NKAIN2: variants seen among roughly 807,000 people sequenced by gnomAD.
The protein encoded by NKAIN2 is sodium/potassium transporting ATPase interacting 2, also known as sodium/potassium-transporting ATPase subunit beta-1-interacting protein 2.
Under a neutral mutation model 32.6 loss-of-function variants are expected in NKAIN2, and 14 were observed. That is an observed-to-expected ratio of 0.43 (90% CI 0.28 to 0.67). The LOEUF (loss-of-function observed/expected upper bound fraction) is 0.67, where lower values mean the gene tolerates loss of function less well. NKAIN2 is among the 30% of genes least tolerant of loss of function. The probability of loss-of-function intolerance (pLI) is 0.17; values close to 1 mark genes in which losing one functional copy is unlikely to be tolerated. For missense variants in NKAIN2, 198 were observed against 258.3 expected (o/e 0.77, Z 1.60); for synonymous variants, 80 against 87.2 (o/e 0.92, Z 0.46).
chr6:124,309,753 G>A (rs1796643767), intron 2 of NKAIN2, among the ~76,000 whole-genome samples: 1 of 152,082 alleles, frequency 6.6e-6, no homozygotes, highest in Non-Finnish European at 1.5e-5. Flanking sequence ...CAGTCTGTCA[G>A]TGCCTGGGAT....
chr6:124,141,414 G>T (rs779132404), intron 1 of NKAIN2, among the ~76,000 whole-genome samples: 1 of 152,058 alleles, frequency 6.6e-6, no homozygotes, highest in Non-Finnish European at 1.5e-5. Context: ...GAAAATTCAA[G>T]TATAACAAAC....
chr6:124,733,810 T>C (rs1268519303), intron 4 of NKAIN2, among the ~76,000 whole-genome samples: 1 of 151,788 alleles, frequency 6.6e-6, no homozygotes, highest in Admixed American at 6.6e-5. Flanking sequence ...CATGTATATA[T>C]GTGTATATAC....
intron 2 of NKAIN2, among the ~76,000 whole-genome samples, chr6:124,335,947 T>A (rs1040811668): frequency 6.6e-6 from 1 of 152,204 alleles, no homozygotes; most frequent in Non-Finnish European, 1.5e-5. Context: ...AAATCTAATA[T>A]TTACTTAGGG....
At chr6:124,436,618 A>G (rs1300133599) in intron 3 of NKAIN2, among the ~76,000 whole-genome samples, 1 of 151,958 alleles carries the variant, frequency 6.6e-6, no homozygotes, top group Non-Finnish European at 1.5e-5. Flanking sequence ...CCCACAGCCC[A>G]CTCCAATCCT....
intron 4 of NKAIN2, among the ~76,000 whole-genome samples, chr6:124,754,166 C>T (rs1408657260): frequency 6.6e-6 from 1 of 151,970 alleles, no homozygotes; most frequent in African/African-American, 2.4e-5. Flanking sequence ...GAGACTCTTA[C>T]CTGAGAACCT....
chr6:123,941,368 C>T (rs1279285873), intron 1 of NKAIN2, among the ~76,000 whole-genome samples: 1 of 151,650 alleles, frequency 6.6e-6, no homozygotes, highest in Non-Finnish European at 1.5e-5. Context: ...CATTTATTAT[C>T]ATAATCAAGT....
chr6:124,622,366 C>T (rs1783138875), intron 3 of NKAIN2, among the ~76,000 whole-genome samples: 2 of 152,284 alleles, frequency 1.3e-5, no homozygotes. Flanking sequence ...ATCTGCTTGC[C>T]TCAGCTGCTC....
chr6:124,180,121 G>T (rs1177742353), intron 1 of NKAIN2, among the ~76,000 whole-genome samples: 1 of 152,136 alleles, frequency 6.6e-6, no homozygotes, highest in Non-Finnish European at 1.5e-5. Flanking sequence ...GTGTGTGTGT[G>T]TGTGTGTATG....
chr6:124,491,373 G>A (rs558306653), intron 3 of NKAIN2, among the ~76,000 whole-genome samples: 24 of 151,968 alleles, frequency 1.6e-4, no homozygotes, highest in Middle Eastern at 3.4e-3. Flanking sequence ...TCACTGAAGA[G>A]TAATTTACCT....
chr6:123,971,142 A>G (rs1778322533), intron 1 of NKAIN2, among the ~76,000 whole-genome samples: 1 of 151,994 alleles, frequency 6.6e-6, no homozygotes, highest in African/African-American at 2.4e-5. Context: ...TAGTAAGTAC[A>G]TACTTAGTAT....
intron 3 of NKAIN2, among the ~76,000 whole-genome samples, chr6:124,398,252 C>CAAAAAAAAAAAAAAAAAAAAAAAAAA (rs869039720): frequency 2.2e-4 from 15 of 69,066 alleles, no homozygotes; most frequent in African/African-American, 3.9e-4. Flanking sequence ...GACTGCATCT[C>CAAAAAAAAAAAAAAAAAAAAAAAAAA]AAAAAAAAAA....
At chr6:124,453,805 T>C (rs1257476078) in intron 3 of NKAIN2, among the ~76,000 whole-genome samples, 1 of 152,064 alleles carries the variant, frequency 6.6e-6, no homozygotes, top group Admixed American at 6.6e-5. Flanking sequence ...GGGAAACATA[T>C]ATTTTTAAGT....
At chr6:124,678,586 C>T (rs1773470419) in intron 4 of NKAIN2, among the ~76,000 whole-genome samples, 1 of 152,096 alleles carries the variant, frequency 6.6e-6, no homozygotes, top group Non-Finnish European at 1.5e-5. Context: ...TTTTTCATCT[C>T]TTTGTTAATA....
intron 1 of NKAIN2, among the ~76,000 whole-genome samples, chr6:124,247,829 C>T (rs1324108813): frequency 6.6e-6 from 1 of 152,064 alleles, no homozygotes; most frequent in African/African-American, 2.4e-5. Flanking sequence ...TGAATTTTTT[C>T]ACATCAGTTT....
intron 1 of NKAIN2, among the ~76,000 whole-genome samples, chr6:123,936,523 G>A (rs1157854962): frequency 1.3e-5 from 2 of 152,002 alleles, no homozygotes; most frequent in South Asian, 2.1e-4. Flanking sequence ...ATAAAATGCC[G>A]ACAGGCATAA....
chr6:124,174,202 C>T (rs900078733), intron 1 of NKAIN2, among the ~76,000 whole-genome samples: 1 of 152,106 alleles, frequency 6.6e-6, no homozygotes, highest in African/African-American at 2.4e-5. Context: ...CTTAAGAGAA[C>T]TCCCACCAAA....
At chr6:124,070,640 T>G (rs917040426) in intron 1 of NKAIN2, among the ~76,000 whole-genome samples, 3 of 152,148 alleles carry the variant, frequency 2.0e-5, no homozygotes, top group Non-Finnish European at 4.4e-5. Flanking sequence ...TTCTCCAGTT[T>G]ATTCTGACTA....
chr6:124,003,272 C>A (rs1412908806), intron 1 of NKAIN2, among the ~76,000 whole-genome samples: 1 of 152,160 alleles, frequency 6.6e-6, no homozygotes, highest in African/African-American at 2.4e-5. Context: ...TAGACACTTA[C>A]CATGTGCATT....
intron 4 of NKAIN2, among the ~76,000 whole-genome samples, chr6:124,703,550 G>C (rs1375248194): frequency 2.6e-5 from 4 of 151,852 alleles, no homozygotes; most frequent in African/African-American, 9.7e-5. Context: ...TGGTACTGTA[G>C]ACAAGAGAAC....
Sources: gnomAD v4.1 joint callset for allele counts (sites outside exome capture counted in the v4.1 genomes callset) on GRCh38, gnomAD v4.1.1 for gene constraint, MANE v1.5 for transcripts, NCBI Gene and HGNC (gene_info 2026-07-23, HGNC 2026-07-21) for gene names.